KLF13: variants seen among roughly 807,000 people sequenced by gnomAD.
KLF13 encodes Krueppel-like factor 13.
Under a neutral mutation model 16.7 loss-of-function variants are expected in KLF13, and 8 were observed. That is an observed-to-expected ratio of 0.48 (90% CI 0.28 to 0.87). The LOEUF is 0.87. KLF13 is among the 40% of genes least tolerant of loss of function. The probability of loss-of-function intolerance (pLI) is 0.10; values close to 1 mark genes in which losing one functional copy is unlikely to be tolerated. For missense variants in KLF13, 447 were observed against 452.2 expected (o/e 0.99, Z 0.10); for synonymous variants, 245 against 208.4 (o/e 1.18, Z -1.51).
intron 1 of KLF13, among the ~76,000 whole-genome samples, chr15:31,328,796 A>G (rs953475403): frequency 1.3e-5 from 2 of 152,140 alleles, no homozygotes; most frequent in African/African-American, 2.4e-5. Context: ...ATGGACGGCA[A>G]TCCTTCCCCA....
At chr15:31,344,293 G>A (rs1237715289) in intron 1 of KLF13, among the ~76,000 whole-genome samples, 2 of 152,214 alleles carry the variant, frequency 1.3e-5, no homozygotes, top group Non-Finnish European at 1.5e-5. Flanking sequence ...CCTCTTTGTG[G>A]CAGGACTGGA....
chr15:31,410,697 T>C (rs1029170811), intron 1 of KLF13, among the ~76,000 whole-genome samples: 8 of 151,568 alleles, frequency 5.3e-5, no homozygotes, highest in Admixed American at 3.9e-4. Context: ...AATGTAATAA[T>C]GAGTCAGTTT....
intron 1 of KLF13, 78 bp downstream of exon 1, chr15:31,327,867 C>G (rs1316708370): frequency 7.4e-6 from 9 of 1,211,422 alleles, no homozygotes; most frequent in Non-Finnish European, 9.3e-6. Flanking sequence ...CCGGAGTCCC[C>G]GATGGGGCGC....
At chr15:31,392,396 G>A (rs969049168), upstream of KLF13, among the ~76,000 whole-genome samples, 10 of 152,300 alleles carry the variant, frequency 6.6e-5, no homozygotes, top group South Asian at 2.1e-3. Context: ...TCGCGGGGAC[G>A]GGGCGGCGGT....
chr15:31,396,906 C>G (rs1430106565), intron 2 of KLF13, among the ~76,000 whole-genome samples: 1 of 151,980 alleles, frequency 6.6e-6, no homozygotes, highest in East Asian at 1.9e-4. Flanking sequence ...AAGTTTTCTC[C>G]CAAAGTTAGT....
At chr15:31,400,820 C>G (rs1268193089) in intron 2 of KLF13, among the ~76,000 whole-genome samples, 1 of 152,070 alleles carries the variant, frequency 6.6e-6, no homozygotes, top group Non-Finnish European at 1.5e-5. Flanking sequence ...TGCTGGTTGA[C>G]TGCCTGTGAG....
chr15:31,418,422 G>A (rs2040282049), intron 1 of KLF13, among the ~76,000 whole-genome samples: 1 of 152,068 alleles, frequency 6.6e-6, no homozygotes, highest in African/African-American at 2.4e-5. Flanking sequence ...ATAAATAAAA[G>A]GAATTGACCA....
At chr15:31,356,589 T>C (rs139885912) in intron 1 of KLF13, among the ~76,000 whole-genome samples, 1,846 of 152,348 alleles carry the variant, frequency 0.012, 43 homozygotes, top group African/African-American at 0.042. Flanking sequence ...TGGTTTTCTG[T>C]TCCTGCGTTA....
chr15:31,336,533 T>G (rs1241078208), intron 1 of KLF13, among the ~76,000 whole-genome samples: 1 of 152,218 alleles, frequency 6.6e-6, no homozygotes, highest in Non-Finnish European at 1.5e-5. Flanking sequence ...TCTCTGAGCC[T>G]TTCTACTTGT....
chr15:31,338,898 G>A (rs562797286), intron 1 of KLF13, among the ~76,000 whole-genome samples: 62 of 152,094 alleles, frequency 4.1e-4, no homozygotes, highest in East Asian at 1.2e-3. Flanking sequence ...CCAGCCCTTA[G>A]GACAAGCAGC....
intron 1 of KLF13, among the ~76,000 whole-genome samples, chr15:31,363,635 C>T (rs533401071): frequency 4.0e-4 from 61 of 152,144 alleles, no homozygotes; most frequent in African/African-American, 1.4e-3. Flanking sequence ...TACAGGCGCT[C>T]GCCACCACGC....
upstream of KLF13, among the ~76,000 whole-genome samples, chr15:31,392,500 T>C (rs112271604): frequency 6.6e-6 from 1 of 152,168 alleles, no homozygotes; most frequent in Non-Finnish European, 1.5e-5. Context: ...CCGGGTCCCC[T>C]GCGCTCCTCA....
At chr15:31,396,111 C>T (rs1249334782) in intron 2 of KLF13, among the ~76,000 whole-genome samples, 5 of 152,290 alleles carry the variant, frequency 3.3e-5, no homozygotes, top group African/African-American at 4.8e-5. Context: ...ATGCAACCTC[C>T]GTCTCCTGGG....
chr15:31,409,654 T>C (rs1292928838), downstream of KLF13, among the ~76,000 whole-genome samples: 1 of 152,008 alleles, frequency 6.6e-6, no homozygotes, highest in Admixed American at 6.5e-5. Context: ...ACACGTTACA[T>C]ACAGAGAAAC....
intron 1 of KLF13, among the ~76,000 whole-genome samples, chr15:31,345,675 C>T (rs1460621073): frequency 6.6e-6 from 1 of 152,232 alleles, no homozygotes; most frequent in Non-Finnish European, 1.5e-5. Flanking sequence ...CTTCCAGTGG[C>T]CCTACATGGG....
intron 1 of KLF13, among the ~76,000 whole-genome samples, chr15:31,348,979 A>G (rs763597770): frequency 7.9e-5 from 12 of 152,164 alleles, no homozygotes; most frequent in Admixed American, 5.9e-4. Context: ...GGAGGGCCCT[A>G]CAGCCTCATG....
chr15:31,343,219 C>T (rs1040272748), intron 1 of KLF13, among the ~76,000 whole-genome samples: 16 of 152,186 alleles, frequency 1.1e-4, no homozygotes, highest in Non-Finnish European at 1.9e-4. Context: ...GCACAGGGCC[C>T]GCCGGCTCAG....
chr15:31,423,914 A>G (rs1003036913), intron 1 of KLF13, among the ~76,000 whole-genome samples: 5 of 152,246 alleles, frequency 3.3e-5, no homozygotes, highest in Admixed American at 1.3e-4. Context: ...TGAACAACTA[A>G]TAGATCAATG....
intron 1 of KLF13, among the ~76,000 whole-genome samples, chr15:31,434,866 A>C (rs540598563): frequency 6.6e-6 from 1 of 152,150 alleles, no homozygotes; most frequent in South Asian, 2.1e-4. Context: ...GGGGCAGCCC[A>C]CTGGGCGCCT....
Sources: allele counts gnomAD v4.1 joint callset (sites outside exome capture counted in the v4.1 genomes callset), GRCh38; gene constraint gnomAD v4.1.1; transcripts MANE v1.5; gene names NCBI Gene and HGNC (gene_info 2026-07-23, HGNC 2026-07-21).